Variants in PRKAR1A observed in about 807,000 individuals in gnomAD.
PRKAR1A encodes the protein protein kinase cAMP-dependent type I regulatory subunit alpha, also known as cAMP-dependent protein kinase type I-alpha regulatory subunit.
In PRKAR1A, 3 loss-of-function variants were observed where a neutral mutation model predicts 52.0. The observed-to-expected ratio is 0.06, with a 90% CI of 0.03 to 0.15. The LOEUF (loss-of-function observed/expected upper bound fraction) is 0.15. Ranked by LOEUF, PRKAR1A falls within the 10% of genes least tolerant of loss-of-function variation. The pLI, the probability that PRKAR1A is intolerant of heterozygous loss-of-function variation, is 1.00. For synonymous variants in PRKAR1A, 188 were observed against 168.4 expected (o/e 1.12, Z -0.90); for missense variants, 240 against 477.4 (o/e 0.50, Z 4.63).
chr17:68,531,358 T>G lies in PRKAR1A; in HGVS notation c.*909T>G, dbSNP rs982278077. 1.9e-6 allele frequency: 2 copies of G among 1,065,870 alleles called. No individual in the cohort carries two copies. The highest frequency in any genetic ancestry group is 3.3e-5 in the African/African-American group (2 of 61,182). The allele number at this position is 1,065,870 out of a possible 1,614,324, so 66.0% of individuals were successfully genotyped here. A position where few individuals can be genotyped will look rare whatever the true frequency, so the allele number is the denominator to read the frequency against. On this transcript the variant is annotated 3_prime_UTR_variant, in exon 11 of 11. Coordinates refer to ENST00000589228, the MANE Select transcript of PRKAR1A (RefSeq NM_002734.5). Reference sequence around the variant, plus strand: ...TGTCCTTCAGCTGACTCCAGTATAATCTCCTCTGCTCATTAAACTGATTCC... The same window carrying G: ...TGTCCTTCAGCTGACTCCAGTATAAGCTCCTCTGCTCATTAAACTGATTCC...
chr17:68,518,869 C>T (rs1021548944), intron 2 of PRKAR1A, among the ~76,000 whole-genome samples: 16 of 152,348 alleles, frequency 1.1e-4, no homozygotes, highest in Admixed American at 3.9e-4. Flanking sequence ...ATTTCTTCCA[C>T]CGGATACCCT....
the PRKAR1A span, among the ~76,000 whole-genome samples, chr17:68,482,525 T>C: frequency 1.3e-5 from 2 of 152,236 alleles, no homozygotes; most frequent in Admixed American, 6.5e-5. Context: ...AAAATAAATA[T>C]TTTAAATGGC....
At chr17:68,541,134 G>A (rs752863237) in intron 11 of PRKAR1A, 48 of 857,316 alleles carry the variant, frequency 5.6e-5, no homozygotes, top group Non-Finnish European at 7.2e-5. Context: ...TGCATATTCC[G>A]TGTGGTGAGA....
chr17:68,513,409 T>A (rs986811592), intron 1 of PRKAR1A: 1 of 152,238 alleles, frequency 6.6e-6, no homozygotes. Flanking sequence ...AGCCGTAACT[T>A]GGCTGGTCTA....
At chr17:68,526,861 C>T (rs1050398204) in intron 7 of PRKAR1A, among the ~76,000 whole-genome samples, 3 of 152,140 alleles carry the variant, frequency 2.0e-5, no homozygotes, top group Non-Finnish European at 2.9e-5. Context: ...AACACCAAAC[C>T]CCTGTGACAC....
the PRKAR1A span, among the ~76,000 whole-genome samples, chr17:68,478,055 T>C: frequency 1.3e-5 from 2 of 152,258 alleles, no homozygotes; most frequent in African/African-American, 2.4e-5. Flanking sequence ...TTTAACAAAC[T>C]GTACTTGAGA....
the PRKAR1A span, chr17:68,434,479 T>C: frequency 6.7e-7 from 1 of 1,492,488 alleles, no homozygotes; most frequent in Non-Finnish European, 9.2e-7. Flanking sequence ...CTCTCTGTCC[T>C]CTCCCTAGAC....
chr17:68,519,289 G>A (rs2085529855), intron 2 of PRKAR1A, among the ~76,000 whole-genome samples: 2 of 152,178 alleles, frequency 1.3e-5, no homozygotes, highest in Admixed American at 1.3e-4. Flanking sequence ...AAAGGAAAGT[G>A]GTTTGACTCA....
At chr17:68,545,841 T>C (rs1284684543) in intron 11 of PRKAR1A, among the ~76,000 whole-genome samples, 1 of 152,184 alleles carries the variant, frequency 6.6e-6, no homozygotes, top group African/African-American at 2.4e-5. Flanking sequence ...AGATTCTATC[T>C]CAAGAAACCA....
the PRKAR1A span, chr17:68,427,088 G>A: frequency 6.7e-7 from 1 of 1,484,822 alleles, no homozygotes; most frequent in East Asian, 2.3e-5. Context: ...GAAGGGGAGG[G>A]AGGTCACTGT....
At chr17:68,510,159 C>CAGACAGAGAGAGAGAG (rs2085243653), upstream of PRKAR1A, among the ~76,000 whole-genome samples, 1 of 127,520 alleles carries the variant, frequency 7.8e-6, no homozygotes, top group African/African-American at 2.9e-5. Flanking sequence ...TATATGTAGA[C>CAGACAGAGAGAGAGAG]AGAGAGAGAG....
intron 11 of PRKAR1A, among the ~76,000 whole-genome samples, chr17:68,545,452 A>AT (rs1485573966): frequency 6.6e-6 from 1 of 152,250 alleles, no homozygotes; most frequent in Non-Finnish European, 1.5e-5. Flanking sequence ...TCCAATAAAT[A>AT]TGCAATAGCA....
At chr17:68,458,656 C>A in the PRKAR1A span, among the ~76,000 whole-genome samples, 10 of 152,318 alleles carry the variant, frequency 6.6e-5, no homozygotes, top group South Asian at 1.4e-3. Flanking sequence ...TAAACCTTAA[C>A]AAAGAATCTC....
At chr17:68,513,057 C>T (rs2085315751) in intron 1 of PRKAR1A, 1 of 152,430 alleles carries the variant, frequency 6.6e-6, no homozygotes, top group Non-Finnish European at 1.5e-5. Flanking sequence ...GATCTTTCCC[C>T]CAACACGACG....
chr17:68,548,317 G>A (rs552871689), intron 11 of PRKAR1A, among the ~76,000 whole-genome samples: 1 of 152,218 alleles, frequency 6.6e-6, no homozygotes, highest in East Asian at 1.9e-4. Context: ...ATCACCTGAG[G>A]TCGAGAGTTC....
the PRKAR1A span, among the ~76,000 whole-genome samples, chr17:68,447,842 CATT>C: frequency 6.6e-6 from 1 of 151,628 alleles, no homozygotes; most frequent in Non-Finnish European, 1.5e-5. Context: ...AATACAAAAA[CATT>C]AGCCGGGCGT....
At chr17:68,417,679 C>T in the PRKAR1A span, among the ~76,000 whole-genome samples, 2 of 144,316 alleles carry the variant, frequency 1.4e-5, no homozygotes, top group Admixed American at 7.2e-5. Context: ...ATTTTGGGGG[C>T]AGTAGTTTGC....
the PRKAR1A span, among the ~76,000 whole-genome samples, chr17:68,503,492 A>G: frequency 6.6e-6 from 1 of 152,242 alleles, no homozygotes; most frequent in South Asian, 2.1e-4. Flanking sequence ...TATACAGTGG[A>G]ATATTATTCA....
the PRKAR1A span, chr17:68,426,254 G>GGGGGGGGT: frequency 2.4e-6 from 2 of 816,924 alleles, no homozygotes; most frequent in Non-Finnish European, 1.9e-6. Context: ...GGGAGCGGGG[G>GGGGGGGGT]CTCAAATAAA....
Sources: gnomAD v4.1 joint callset for allele counts (sites outside exome capture counted in the v4.1 genomes callset) on GRCh38, gnomAD v4.1.1 for gene constraint, MANE v1.5 for transcripts, NCBI Gene and HGNC (gene_info 2026-07-23, HGNC 2026-07-21) for gene names.